Variants in MAN1A2 observed in about 807,000 individuals in gnomAD.
The protein encoded by MAN1A2 is mannosyl-oligosaccharide 1,2-alpha-mannosidase IB.
In MAN1A2, 26 loss-of-function variants were observed where a neutral mutation model predicts 75.7. The ratio of observed to expected loss-of-function variants is 0.34; its 90% confidence interval spans 0.25 to 0.48. The LOEUF (loss-of-function observed/expected upper bound fraction) is 0.48, where lower values mean the gene tolerates loss of function less well. MAN1A2 is among the 20% of genes least tolerant of loss of function. The pLI is 0.99. For missense variants in MAN1A2, 562 were observed against 775.5 expected, an observed-to-expected ratio of 0.72 and a Z score of 3.27; for synonymous variants, 247 against 264.6, an observed-to-expected ratio of 0.93 and a Z score of 0.65.
chr1:117,516,932 A>T (rs1299614395), intron 12 of MAN1A2, among the ~76,000 whole-genome samples: 4 of 152,134 alleles, frequency 2.6e-5, no homozygotes, highest in African/African-American at 4.8e-5. Flanking sequence ...AACCTACCTG[A>T]GGTGAGGGAA....
chr1:117,370,549 A>G (rs890663487), intron 1 of MAN1A2, among the ~76,000 whole-genome samples: 2 of 152,362 alleles, frequency 1.3e-5, no homozygotes, highest in South Asian at 4.1e-4. Flanking sequence ...GAGCAAGGAA[A>G]TACTTTTTAA....
At chr1:117,460,305 T>C (rs188743632) in intron 6 of MAN1A2, among the ~76,000 whole-genome samples, 184 bp from the exon 7 acceptor site, 605 of 152,280 alleles carry the variant, frequency 4.0e-3, no homozygotes, top group Non-Finnish European at 6.4e-3. Context: ...AAACTACTGT[T>C]TTAATTTTTA....
At chr1:117,426,115 C>G (rs1044469360) in intron 5 of MAN1A2, among the ~76,000 whole-genome samples, 1 of 151,780 alleles carries the variant, frequency 6.6e-6, no homozygotes, top group African/African-American at 2.4e-5. Context: ...ACAGTTTTTC[C>G]TGTCAACACT....
At chr1:117,462,845 A>C (rs561178631) in intron 7 of MAN1A2, among the ~76,000 whole-genome samples, 1 of 152,288 alleles carries the variant, frequency 6.6e-6, no homozygotes, top group South Asian at 2.1e-4. Flanking sequence ...AAGTCAAGAT[A>C]ATGACAAATA....
intron 12 of MAN1A2, among the ~76,000 whole-genome samples, chr1:117,506,073 G>A (rs1008304190): frequency 1.3e-5 from 2 of 151,482 alleles, no homozygotes; most frequent in Non-Finnish European, 3.0e-5. Context: ...CTAAATTAAT[G>A]TAGCTGTAGT....
chr1:117,418,989 G>T (rs554134522), intron 4 of MAN1A2, among the ~76,000 whole-genome samples: 4 of 152,086 alleles, frequency 2.6e-5, no homozygotes, highest in Non-Finnish European at 5.9e-5. Flanking sequence ...GTTCAGTTAT[G>T]TGAAAGGAAA....
Position 117,499,519 on chromosome 1 carries a change from C to G in MAN1A2, c.1642C>G (p.Pro548Ala), listed in dbSNP as rs1377423586. The G allele has an allele frequency of 6.2e-7, 1 of 1,607,250 alleles. No individual in the cohort carries two copies. Among genetic ancestry groups the G allele is most frequent in the Non-Finnish European group, 8.5e-7 (1 of 1,176,676 alleles). The change falls in exon 11 of 13, where the codon CCA becomes GCA. Residue 548 changes from proline (P) to alanine (A), a missense_variant. This residue lies in a region of MAN1A2 where 434 missense variants were observed against 645.7 expected (regional missense o/e 0.67). Coordinates refer to ENST00000356554, the MANE Select transcript of MAN1A2 (RefSeq NM_006699.5). ...GTACCTATGGCGATTCACTCACGAT[C>G]CAAGATACAGGCAGTGGGGCTGGGA... Reference protein sequence around the residue: ...YWYLWRFTHDPRYRQWGWEAA... With the variant: ...YWYLWRFTHDARYRQWGWEAA...
chr1:117,438,874 T>G (rs1056062944), intron 5 of MAN1A2, among the ~76,000 whole-genome samples: 1 of 152,172 alleles, frequency 6.6e-6, no homozygotes, highest in African/African-American at 2.4e-5. Context: ...ATGATGCATT[T>G]CTTAGCACTA....
intron 1 of MAN1A2, among the ~76,000 whole-genome samples, chr1:117,395,196 G>A (rs1653867443): frequency 6.6e-6 from 1 of 152,196 alleles, no homozygotes; most frequent in Admixed American, 6.5e-5. Flanking sequence ...TAGGACTAAG[G>A]AGGAAGAAAG....
chr1:117,456,040 G>A (rs984635650), intron 6 of MAN1A2, among the ~76,000 whole-genome samples: 4 of 152,026 alleles, frequency 2.6e-5, no homozygotes, highest in East Asian at 1.9e-4. Context: ...GTAGACTAGT[G>A]TATTATCTGT....
intron 7 of MAN1A2, among the ~76,000 whole-genome samples, chr1:117,462,936 G>A (rs941416938): frequency 2.0e-5 from 3 of 152,138 alleles, no homozygotes; most frequent in African/African-American, 2.4e-5. Flanking sequence ...AAAGGTGTTC[G>A]TAGTGTTGTA....
At chr1:117,476,658 A>G (rs1650323398) in intron 8 of MAN1A2, among the ~76,000 whole-genome samples, 1 of 152,048 alleles carries the variant, frequency 6.6e-6, no homozygotes, top group South Asian at 2.1e-4. Context: ...GTCAAAGATC[A>G]GATGGTTGTA....
intron 5 of MAN1A2, among the ~76,000 whole-genome samples, 183 bp downstream of exon 5, chr1:117,420,832 A>G (rs768613293): frequency 6.6e-6 from 1 of 152,076 alleles, no homozygotes; most frequent in Non-Finnish European, 1.5e-5. Context: ...GAGGCTCTCA[A>G]TAAAACATGA....
intron 8 of MAN1A2, among the ~76,000 whole-genome samples, chr1:117,491,768 G>A (rs150702502): frequency 2.3e-4 from 35 of 152,156 alleles, no homozygotes; most frequent in African/African-American, 7.5e-4. Flanking sequence ...CATGGGAGGA[G>A]GTCAAAGTAT....
At chr1:117,423,333 TTCC>T (rs1319921731) in intron 5 of MAN1A2, among the ~76,000 whole-genome samples, 1 of 152,176 alleles carries the variant, frequency 6.6e-6, no homozygotes, top group Non-Finnish European at 1.5e-5. Context: ...TCCAACTTTA[TTCC>T]TTTTCAAAAT....
At chr1:117,469,157 A>G (rs1438408065) in intron 8 of MAN1A2, among the ~76,000 whole-genome samples, 1 of 152,126 alleles carries the variant, frequency 6.6e-6, no homozygotes, top group African/African-American at 2.4e-5. Flanking sequence ...TGGGTGACAG[A>G]GCGAGACCCT....
At chr1:117,472,407 A>T (rs1650189285) in intron 8 of MAN1A2, among the ~76,000 whole-genome samples, 3 of 152,102 alleles carry the variant, frequency 2.0e-5, no homozygotes, top group Admixed American at 6.6e-5. Context: ...TCTCTACAGG[A>T]TGTTTGCATT....
chr1:117,406,147 G>T (rs1647608703), intron 3 of MAN1A2, among the ~76,000 whole-genome samples: 1 of 152,106 alleles, frequency 6.6e-6, no homozygotes, highest in African/African-American at 2.4e-5. Context: ...TGGAGGTTTG[G>T]GGAAGAGCTG....
intron 3 of MAN1A2, among the ~76,000 whole-genome samples, 197 bp from the exon 4 acceptor site, chr1:117,414,516 T>G (rs929128190): frequency 6.6e-6 from 1 of 151,490 alleles, no homozygotes; most frequent in African/African-American, 2.4e-5. Flanking sequence ...ATCTAATATA[T>G]ACATATAATT....
Sources: allele counts gnomAD v4.1 joint callset (sites outside exome capture counted in the v4.1 genomes callset), GRCh38; gene constraint gnomAD v4.1.1; regional missense constraint gnomAD v4.1.1; transcripts MANE v1.5; gene names NCBI Gene and HGNC (gene_info 2026-07-23, HGNC 2026-07-21).